Variants in NDC1 observed in about 807,000 individuals in gnomAD.
NDC1 encodes NDC1 transmembrane nucleoporin.
In NDC1, 24 loss-of-function variants were observed where a neutral mutation model predicts 89.8. That is an observed-to-expected ratio of 0.27 (90% confidence interval 0.19 to 0.38). The LOEUF is 0.38. Among genes scored for constraint, NDC1 ranks in the 10% least tolerant of loss-of-function variants. The pLI, the probability that NDC1 is intolerant of heterozygous loss-of-function variation, is 1.00. For synonymous variants in NDC1, 296 were observed against 284.8 expected, an observed-to-expected ratio of 1.04 and a Z score of -0.39; for missense variants, 728 against 797.6, an observed-to-expected ratio of 0.91 and a Z score of 1.05.
chr1:53,769,173 C>G (rs966432268), intron 17 of NDC1, among the ~76,000 whole-genome samples: 3 of 152,066 alleles, frequency 2.0e-5, no homozygotes, highest in Non-Finnish European at 4.4e-5. Context: ...CAGAGCAAGA[C>G]CCTGACTCAA....
At chr1:53,829,626 A>G (rs1380892058) in intron 3 of NDC1, among the ~76,000 whole-genome samples, 1 of 152,188 alleles carries the variant, frequency 6.6e-6, no homozygotes, top group Non-Finnish European at 1.5e-5. Flanking sequence ...CTCTCCACAC[A>G]ATGCATGGCA....
intron 8 of NDC1, 110 bp downstream of exon 8, chr1:53,807,546 A>T: frequency 1.2e-6 from 1 of 845,250 alleles, no homozygotes; most frequent in South Asian, 2.2e-5. Flanking sequence ...GAGACCAAAA[A>T]CCAGCTTACG....
At chr1:53,810,714 G>A (rs1156577512) in intron 6 of NDC1, among the ~76,000 whole-genome samples, 2 of 152,192 alleles carry the variant, frequency 1.3e-5, no homozygotes, top group African/African-American at 4.8e-5. Context: ...AGACTAGCCT[G>A]GGCAACATAG....
Position 53,787,070 on chromosome 1 carries a change from C to T in NDC1, c.1800+88G>A, listed in dbSNP as rs1400317730. The T allele has an allele frequency of 2.1e-5, 13 of 631,110 alleles. No homozygotes were observed. In the East Asian group the frequency reaches 2.2e-4, roughly 11 times the overall value. 39.1% of individuals were successfully genotyped at this position (631,110 alleles called of 1,614,324 possible). A position where few individuals can be genotyped will look rare whatever the true frequency, so the allele number is the denominator to read the frequency against. ...TTAACTTCCAACATGTTTTGTCACT[C>T]GATAAATGTGATATATAGGAAACAA... is the stretch of plus-strand genomic sequence containing the variant. On this transcript the variant is annotated intron_variant, in intron 16 of 17. Coordinates refer to ENST00000371429, the MANE Select transcript of NDC1 (RefSeq NM_018087.5).
At chr1:53,829,953 C>A (rs1013236882) in intron 3 of NDC1, among the ~76,000 whole-genome samples, 1 of 152,012 alleles carries the variant, frequency 6.6e-6, no homozygotes, top group Non-Finnish European at 1.5e-5. Context: ...GAGTTTGAGA[C>A]CAGCCTGGCC....
At chr1:53,809,813 AAT>A in intron 6 of NDC1, 67 bp from the exon 7 acceptor site, 1 of 1,240,714 alleles carries the variant, frequency 8.1e-7, no homozygotes, top group Non-Finnish European at 1.2e-6. Flanking sequence ...CAAGCTTTAG[AAT>A]ATAAGGTCAA....
At chr1:53,775,009 T>A (rs1028647664) in intron 16 of NDC1, among the ~76,000 whole-genome samples, 1 of 152,216 alleles carries the variant, frequency 6.6e-6, no homozygotes, top group African/African-American at 2.4e-5. Flanking sequence ...AAATAAGCAA[T>A]GTCCTTTGAA....
At chr1:53,790,356 ACT>A (rs1406813556) in intron 14 of NDC1, among the ~76,000 whole-genome samples, 2 of 142,386 alleles carry the variant, frequency 1.4e-5, no homozygotes, top group African/African-American at 2.6e-5. Flanking sequence ...CAAGAGCAAA[ACT>A]CTGTCTCAAA....
intron 8 of NDC1, 64 bp downstream of exon 8, chr1:53,807,592 C>T (rs1309279994): frequency 4.2e-6 from 6 of 1,440,922 alleles, no homozygotes; most frequent in Non-Finnish European, 5.7e-6. Context: ...GTGTGCTCTG[C>T]TAAAAATCAA....
intron 3 of NDC1, 52 bp downstream of exon 3, chr1:53,832,438 T>C: frequency 3.1e-6 from 3 of 952,448 alleles, no homozygotes; most frequent in East Asian, 2.4e-5. Flanking sequence ...AAGTCTTCCC[T>C]TAGTTAAATA....
chr1:53,811,685 T>C (rs960603552), intron 6 of NDC1, among the ~76,000 whole-genome samples: 1 of 140,606 alleles, frequency 7.1e-6, no homozygotes, highest in East Asian at 2.3e-4. Flanking sequence ...CCTACCTCAA[T>C]ACAAAGGACA....
intron 10 of NDC1, among the ~76,000 whole-genome samples, chr1:53,801,775 G>A (rs1647927932): frequency 6.6e-6 from 1 of 152,156 alleles, no homozygotes; most frequent in Non-Finnish European, 1.5e-5. Context: ...GTTTGTTTTT[G>A]TGATGGAATC....
Position 53,807,637 on chromosome 1 carries a change from A to G in NDC1, c.891+19T>C, listed in dbSNP as rs754855024. On this transcript the variant is annotated intron_variant, in intron 8 of 17. Transcript: ENST00000371429. ...CCAAAACACAAAAGTATTAAGAAAA[A>G]ATATTTTAAAAAACATACCTCTGTG... The G allele has an allele frequency of 9.5e-6, 15 of 1,586,202 alleles. No individual in the cohort carries two copies. In the African/African-American group the frequency reaches 2.1e-4, roughly 22 times the overall value.
At chr1:53,768,667 A>G (rs528247088) in intron 17 of NDC1, among the ~76,000 whole-genome samples, 6 of 152,186 alleles carry the variant, frequency 3.9e-5, no homozygotes, top group African/African-American at 7.2e-5. Context: ...AAAATTGAAT[A>G]TAATGAAAAA....
rs1235544858 is a variant in NDC1 at position 53,828,044 on chromosome 1, T to A, written c.410A>T (p.Gln137Leu). The A allele has an allele frequency of 6.2e-7, 1 of 1,613,894 alleles. No individual in the cohort carries two copies. Among genetic ancestry groups the A allele is most frequent in the African/African-American group, 1.3e-5 (1 of 74,908 alleles). The change falls in exon 4 of 18, where the codon CAG becomes CTG. Residue 137 changes from glutamine to leucine, a missense_variant. Coordinates refer to ENST00000371429, the MANE Select transcript of NDC1 (RefSeq NM_018087.5). Reference sequence around the variant, plus strand: ...AACCACAAGAAAGCTGTACTGGCCCTGGGTTATCACTGCAGCACACCAGGC... The same window carrying A: ...AACCACAAGAAAGCTGTACTGGCCCAGGGTTATCACTGCAGCACACCAGGC... Reference protein sequence around the residue: ...VMAWCAAVITQGQYSFLVVPC... With the variant: ...VMAWCAAVITLGQYSFLVVPC...
At chr1:53,833,281 C>T (rs1308857943) in intron 2 of NDC1, among the ~76,000 whole-genome samples, 1 of 152,078 alleles carries the variant, frequency 6.6e-6, no homozygotes, top group Non-Finnish European at 1.5e-5. Flanking sequence ...CTGCCTCAGC[C>T]TTCCAGTAGC....
rs1647148554 is a variant in NDC1 at position 53,774,829 on chromosome 1, T to G, written c.1801-2340A>C. On this transcript the variant is annotated intron_variant, in intron 16 of 17. Transcript: ENST00000371429. The stretch of plus-strand genomic sequence containing the variant: ...TTACTTGAGCCCAAGAGTTCAAGGT[T>G]ACAGTGAACCATGATCATGCCACTG... Among the ~76,000 whole-genome samples, 6 of 152,194 alleles carry G rather than the reference T, an allele frequency of 3.9e-5. No homozygotes were observed. The South Asian group carries it at 1.2e-3, about 32-fold the overall frequency.
At position 53,803,949 on chromosome 1, in the gene NDC1, C is replaced by A. The variant is rs1206100831; in HGVS notation, c.1045G>T (p.Val349Phe). The A allele has an allele frequency of 1.4e-5, 22 of 1,613,774 alleles. No individual in the cohort carries two copies. The highest frequency in any genetic ancestry group is 1.7e-5 in the Non-Finnish European group (20 of 1,179,780). Residue 349 changes from valine (V) to phenylalanine (F), a missense_variant, in exon 10 of 18, where the codon GTT becomes TTT. Physicochemically the swap from Val to Phe is conservative, Grantham distance 50. Coordinates refer to ENST00000371429, the MANE Select transcript of NDC1 (RefSeq NM_018087.5). Reference protein sequence around the residue: ...SQYSPSRRQEVFSLSQPGGHP... With the variant: ...SQYSPSRRQEFFSLSQPGGHP... Reference sequence around the variant, plus strand: ...ATACCTGGTTGGCTGAGGCTGAAAACTTCTTGTCTTCGTGAAGGAGAATAT... The same window carrying A: ...ATACCTGGTTGGCTGAGGCTGAAAAATTCTTGTCTTCGTGAAGGAGAATAT...
intron 15 of NDC1, among the ~76,000 whole-genome samples, chr1:53,788,530 C>T (rs1056780870): frequency 6.6e-6 from 1 of 151,904 alleles, no homozygotes; most frequent in Non-Finnish European, 1.5e-5. Context: ...TGGGTTCAAA[C>T]GATTCTCTGG....
Sources: gnomAD v4.1 joint callset for allele counts (sites outside exome capture counted in the v4.1 genomes callset) on GRCh38, gnomAD v4.1.1 for gene constraint, MANE v1.5 for transcripts, NCBI Gene and HGNC (gene_info 2026-07-23, HGNC 2026-07-21) for gene names.